Variants in SIRT7 observed in about 807,000 individuals in gnomAD.
The protein encoded by SIRT7 is NAD-dependent protein deacetylase sirtuin-7.
A neutral mutation model predicts 42.8 loss-of-function variants in SIRT7; 32 were observed. The observed-to-expected ratio is 0.75, with a 90% CI of 0.56 to 1.00. The LOEUF (loss-of-function observed/expected upper bound fraction) is 1.00. SIRT7 is among the 50% of genes least tolerant of loss of function. The pLI, the probability that SIRT7 is intolerant of heterozygous loss-of-function variation, is 0.00. For synonymous variants in SIRT7, 297 were observed against 245.2 expected, an observed-to-expected ratio of 1.21 and a Z score of -1.97; for missense variants, 553 against 572.2, an observed-to-expected ratio of 0.97 and a Z score of 0.34.
chr17:81,914,304 G>C lies in SIRT7; in HGVS notation c.806C>G (p.Ser269Cys). 6.2e-7 allele frequency: 1 copy of C among 1,613,118 alleles called. No homozygotes were observed. ...SRADTILCLGSSLKVLKKYPR... is the reference protein window; with the variant it reads ...SRADTILCLGCSLKVLKKYPR... ...GTCATCGGCACGTACCTTCAGGCTG[G>C]ACCCTAGACACAGGATGGTGTCTGC... The change falls in exon 7 of 10, where the codon TCC becomes TGC. Residue 269 changes from serine to cysteine, a missense_variant. Physicochemically the swap from Ser to Cys is moderately radical, Grantham distance 112. Coordinates refer to ENST00000328666, the MANE Select transcript of SIRT7 (RefSeq NM_016538.3).
intron 3 of SIRT7, chr17:81,917,016 G>C (rs981994539): frequency 6.6e-6 from 1 of 152,220 alleles, no homozygotes; most frequent in Non-Finnish European, 1.5e-5. Context: ...GTCTGAGTTT[G>C]CTCTAGCGAC....
rs529943635 is a variant in SIRT7, at chr17:81,913,771, C to T, written c.1004+3G>A. 4.3e-5 allele frequency: 67 copies of T among 1,548,124 alleles called. No homozygotes were observed. The highest frequency in any genetic ancestry group is 4.0e-4 in the South Asian group (34 of 83,960). ...AAGCAGGCTGCTGCAGCGGCTCACT[C>T]ACCTGCTATAGGCGGGGATCTCCAA... On this transcript the variant is annotated splice_donor_region_variant and intron_variant, in intron 9 of 9. Transcript: ENST00000328666. This position sits in a 1 kb window ranked among gnomAD's most constrained non-coding sequence, Gnocchi z 5.0.
Position 81,915,541 on chromosome 17 carries a change from G to A in SIRT7, c.408-29C>T, listed in dbSNP as rs779807970. On this transcript the variant is annotated intron_variant, in intron 4 of 9. Transcript: ENST00000328666. ...CCAGGCAGAAAGGAAGGCAAGGTGA[G>A]GAGAGCTGGAGCTCAGGCCCGTGCT... 9 of 1,613,218 alleles carry A rather than the reference G, an allele frequency of 5.6e-6. No individual in the cohort carries two copies. In the East Asian group the frequency reaches 1.6e-4, roughly 28 times the overall value.
At chr17:81,916,892 T>A (rs999271142) in intron 3 of SIRT7, 4 of 152,192 alleles carry the variant, frequency 2.6e-5, no homozygotes, top group Admixed American at 2.0e-4. Context: ...TTGCTTGGAG[T>A]GCCTCATTCC....
intron 3 of SIRT7, 122 bp from the exon 4 acceptor site, chr17:81,915,803 C>T (rs1250922428): frequency 6.4e-6 from 7 of 1,101,834 alleles, no homozygotes; most frequent in Admixed American, 2.0e-5. Flanking sequence ...GCATGTTGGC[C>T]TCTATTCATT....
At chr17:81,918,002 C>G in intron 1 of SIRT7, 35 bp from the exon 2 acceptor site, 1 of 1,351,096 alleles carries the variant, frequency 7.4e-7, no homozygotes, top group Non-Finnish European at 9.4e-7. Context: ...GCGGCGCGGG[C>G]CGGGCATGGC....
In SIRT7 at chr17:81,917,918, C is replaced by T. The variant is rs1371859864; in HGVS notation, c.143G>A (p.Gly48Asp). 2 of 1,414,536 alleles carry T rather than the reference C, an allele frequency of 1.4e-6. No homozygotes were observed. The highest frequency in any genetic ancestry group is 5.4e-5 in the Admixed American group (2 of 37,362). The allele number at this position is 1,414,536 out of a possible 1,614,324, so 87.6% of individuals were successfully genotyped here. ...GTCCGCGCTCTCGGCCAGCAGCCGG[C>T]CCTCCTCGGCGCTGCGCTCCGCCGC... ...KAAAERSAEE[G>D]RLLAESADLV... The change falls in exon 2 of 10, where the codon GGC becomes GAC. Residue 48 changes from glycine to aspartate, a missense_variant. Transcript: ENST00000328666.
intron 5 of SIRT7, 95 bp downstream of exon 5, chr17:81,915,345 T>C: frequency 2.9e-6 from 4 of 1,395,250 alleles, no homozygotes; most frequent in Non-Finnish European, 4.0e-6. Flanking sequence ...GGGAGTCAAC[T>C]GGCAGACAGA....
At chr17:81,915,945 G>A in intron 3 of SIRT7, 1 of 482,602 alleles carries the variant, frequency 2.1e-6, no homozygotes, top group East Asian at 4.0e-5. Flanking sequence ...GCCTCCGGAA[G>A]CCTCTCTGGC....
chr17:81,917,802 G>A lies in SIRT7; in HGVS notation c.231+28C>T, dbSNP rs750503923. On this transcript the variant is annotated intron_variant, in intron 2 of 9. Transcript: ENST00000328666. Reference sequence around the variant, plus strand: ...GCCCCAGCTGCTCCCGAAACCGGGGGCGCCCGCGCGCCGCACGCGGAACTC... The same window carrying A: ...GCCCCAGCTGCTCCCGAAACCGGGGACGCCCGCGCGCCGCACGCGGAACTC... 1.5e-5 allele frequency: 21 copies of A among 1,405,260 alleles called. No individual in the cohort carries two copies. The Middle Eastern group carries it at 2.0e-3, about 134-fold the overall frequency. 87.0% of individuals were successfully genotyped at this position (1,405,260 alleles called of 1,614,324 possible). A position where few individuals can be genotyped will look rare whatever the true frequency, so the allele number is the denominator to read the frequency against.
chr17:81,915,505 C>T lies in SIRT7; in HGVS notation c.415G>A (p.Asp139Asn), dbSNP rs538629892. 18 of 1,613,636 alleles carry T rather than the reference C, an allele frequency of 1.1e-5. No homozygotes were observed. The highest frequency in any genetic ancestry group is 1.7e-4 in the Middle Eastern group (1 of 6,060). Residue 139 changes from aspartate to asparagine, a missense_variant, in exon 5 of 10, where the codon GAC becomes AAC. Coordinates refer to ENST00000328666, the MANE Select transcript of SIRT7 (RefSeq NM_016538.3). ...LQKGRSVSAADLSEAEPTLTH... is the reference protein window; with the variant it reads ...LQKGRSVSAANLSEAEPTLTH... ...AGGGTTGGCTCGGCCTCGCTCAGGT[C>T]GGCAGCACTGCCAGGCAGAAAGGAA...
In SIRT7 at chr17:81,915,666, C is replaced by G; in HGVS notation, c.352G>C (p.Asp118His). The G allele has an allele frequency of 6.2e-7, 1 of 1,613,908 alleles. No homozygotes were observed. Among genetic ancestry groups the G allele is most frequent in the Non-Finnish European group, 8.5e-7 (1 of 1,180,006 alleles). Residue 118 changes from aspartate (D) to histidine (H), a missense_variant, in exon 4 of 10, where the codon GAC (aspartate) becomes CAC (histidine). Asp to His is a moderately conservative substitution (Grantham distance 81). Transcript: ENST00000328666. The part of the protein sequence containing the change: ...AGISTAASIP[D>H]YRGPNGVWTL... Reference sequence around the variant, plus strand: ...CACACTCCATTAGGGCCCCGGTAGTCTGGGATAGACGCTGCCTGCATGTCG... The same window carrying G: ...CACACTCCATTAGGGCCCCGGTAGTGTGGGATAGACGCTGCCTGCATGTCG...
In SIRT7 at chr17:81,914,181, C is replaced by T; in HGVS notation, c.817-14G>A. On this transcript the variant is annotated splice_polypyrimidine_tract_variant and intron_variant, in intron 7 of 9. Transcript: ENST00000328666. ...CTTCTTTAGAACCTGTGGAAGCAGA[C>T]AGACAGACACCGCACACACACAAGG... The T allele has an allele frequency of 6.2e-7, 1 of 1,612,648 alleles. No homozygotes were observed. The highest frequency in any genetic ancestry group is 8.5e-7 in the Non-Finnish European group (1 of 1,179,752).
chr17:81,915,320 G>A (rs1486408845), intron 5 of SIRT7, 120 bp downstream of exon 5: 6 of 1,150,830 alleles, frequency 5.2e-6, no homozygotes, highest in Middle Eastern at 2.7e-4. Context: ...AACCCGCTTG[G>A]TGGGTGCTCA....
intron 5 of SIRT7, 130 bp from the exon 6 acceptor site, chr17:81,914,832 C>T (rs983127180): frequency 3.9e-5 from 28 of 708,972 alleles, no homozygotes; most frequent in Non-Finnish European, 6.6e-5. Flanking sequence ...CTCCGTCCCC[C>T]CAGAGAGCCT....
Position 81,912,053 on chromosome 17 carries a change from C to T in SIRT7, c.*363G>A. ...GGATTCTATAAAGTTCACACTTTTT[C>T]ATTAAGTAGTAGTAGAAATACGGTG... On this transcript the variant is annotated 3_prime_UTR_variant, in exon 10 of 10. Coordinates refer to ENST00000328666, the MANE Select transcript of SIRT7 (RefSeq NM_016538.3). 2.8e-6 allele frequency: 1 copy of T among 352,706 alleles called. No homozygotes were observed. The highest frequency in any genetic ancestry group is 5.3e-6 in the Non-Finnish European group (1 of 188,640). The allele number at this position is 352,706 out of a possible 1,614,324, so 21.8% of individuals were successfully genotyped here.
chr17:81,917,977 G>A lies in SIRT7; in HGVS notation c.94-10C>T. 1 of 1,336,918 alleles carries A rather than the reference G, an allele frequency of 7.5e-7. No homozygotes were observed. The highest frequency in any genetic ancestry group is 9.5e-7 in the Non-Finnish European group (1 of 1,052,704). 82.8% of individuals were successfully genotyped at this position (1,336,918 alleles called of 1,614,324 possible). ...TCAGGATGCGCGACACCTGCGGGCA[G>A]GCGGACGGTGAGCGGCGGCGCGGGC... On this transcript the variant is annotated splice_polypyrimidine_tract_variant and intron_variant, in intron 1 of 9. Coordinates refer to ENST00000328666, the MANE Select transcript of SIRT7 (RefSeq NM_016538.3).
In SIRT7 at chr17:81,915,435, C is replaced by A. The variant is rs756903789; in HGVS notation, c.480+5G>T. On this transcript the variant is annotated splice_donor_5th_base_variant and intron_variant, in intron 5 of 9. Coordinates refer to ENST00000328666, the MANE Select transcript of SIRT7 (RefSeq NM_016538.3). ...GCAAGTGTACCAGCCACCCAGGGCT[C>A]TTACCAGCTTCTGCTCATGCAGACG... 5 of 1,612,202 alleles carry A rather than the reference C, an allele frequency of 3.1e-6. 1 individual carries two copies. The South Asian group carries it at 5.5e-5, about 18-fold the overall frequency.
chr17:81,917,536 AG>A, intron 3 of SIRT7, 78 bp downstream of exon 3: 1 of 1,265,260 alleles, frequency 7.9e-7, no homozygotes, highest in South Asian at 1.7e-5. Flanking sequence ...AAAACCTTAG[AG>A]CTGCTTTAAA....
Sources: gnomAD v4.1 joint callset for allele counts on GRCh38, gnomAD v4.1.1 for gene constraint, Gnocchi (gnomAD v3.1) non-coding constraint, MANE v1.5 for transcripts, NCBI Gene and HGNC (gene_info 2026-07-23, HGNC 2026-07-21) for gene names.